SPEN: variants seen among roughly 807,000 people sequenced by gnomAD.
SPEN encodes msx2-interacting protein.
In SPEN, 18 loss-of-function variants were observed where a neutral mutation model predicts 269.9. The observed-to-expected ratio is 0.07, with a 90% CI of 0.05 to 0.10. SPEN has a LOEUF of 0.10. Ranked by LOEUF, SPEN falls within the 10% of genes least tolerant of loss-of-function variation. The pLI is 1.00. For synonymous variants in SPEN, 1,726 were observed against 1,765.7 expected (o/e 0.98, Z 0.56); for missense variants, 3,822 against 4,631.2 (o/e 0.83, Z 5.07).
At chr1:15,875,198 A>G (rs113592110) in intron 2 of SPEN, among the ~76,000 whole-genome samples, 3 of 152,186 alleles carry the variant, frequency 2.0e-5, no homozygotes, top group Non-Finnish European at 2.9e-5. Flanking sequence ...ATATTAACAC[A>G]TAATTGCATG....
chr1:15,879,669 A>C (rs2070667606), intron 3 of SPEN, among the ~76,000 whole-genome samples: 1 of 145,294 alleles, frequency 6.9e-6, no homozygotes, highest in South Asian at 2.4e-4. Flanking sequence ...TCTGACCAGC[A>C]GACAAATTTT....
chr1:15,869,872 A>ATT (rs138543685), intron 1 of SPEN, among the ~76,000 whole-genome samples: 3 of 130,802 alleles, frequency 2.3e-5, no homozygotes, highest in Non-Finnish European at 5.0e-5. Context: ...ATAGTTATTG[A>ATT]TTTTTTTTTT....
intron 3 of SPEN, among the ~76,000 whole-genome samples, chr1:15,879,918 C>G (rs919504177): frequency 2.0e-5 from 3 of 152,110 alleles, no homozygotes; most frequent in African/African-American, 7.2e-5. Context: ...CATCCGCCCG[C>G]CTCGACCTCC....
chr1:15,913,284 C>A (rs1272225723), intron 5 of SPEN, among the ~76,000 whole-genome samples: 5 of 152,116 alleles, frequency 3.3e-5, no homozygotes, highest in Non-Finnish European at 7.4e-5. Flanking sequence ...CATTACAATC[C>A]CCTAAACATG....
In SPEN at chr1:15,891,645, C is replaced by T. The variant is rs561424108; in HGVS notation, c.881+14967C>T. Among the ~76,000 whole-genome samples, 11 of 152,136 alleles carry T rather than the reference C, an allele frequency of 7.2e-5. No homozygotes were observed. In the South Asian group the frequency reaches 1.0e-3, roughly 14 times the overall value. ...GATTACAGGCTTGAGCCACCGCGCC[C>T]GGCCTTGTTTTTTGTTTTTTGTTTT... is the stretch of plus-strand genomic sequence containing the variant. On this transcript the variant is annotated intron_variant, in intron 3 of 14. Transcript: ENST00000375759.
chr1:15,919,060 A>C lies in SPEN; in HGVS notation c.1521+9A>C. The C allele has an allele frequency of 6.2e-7, 1 of 1,603,886 alleles. No individual in the cohort carries two copies. The highest frequency in any genetic ancestry group is 8.5e-7 in the Non-Finnish European group (1 of 1,176,954). On this transcript the variant is annotated intron_variant, in intron 7 of 14. Coordinates refer to ENST00000375759, the MANE Select transcript of SPEN (RefSeq NM_015001.3). Reference sequence around the variant, plus strand: ...GAAATAATCGCCTCAAGGTAAATGAATTTGCATAAATTATTGTGCTGTTAT... The same window carrying C: ...GAAATAATCGCCTCAAGGTAAATGACTTTGCATAAATTATTGTGCTGTTAT...
At chr1:15,865,865 G>A (rs2070501075) in intron 1 of SPEN, among the ~76,000 whole-genome samples, 1 of 151,284 alleles carries the variant, frequency 6.6e-6, no homozygotes, top group Non-Finnish European at 1.5e-5. Flanking sequence ...TTGCTATATA[G>A]GAGTTGTAAT....
Position 15,930,374 on chromosome 1 carries a change from G to A in SPEN, c.4134G>A (p.Val1378=). The A allele has an allele frequency of 6.2e-7, 1 of 1,613,402 alleles. No homozygotes were observed. The highest frequency in any genetic ancestry group is 8.5e-7 in the Non-Finnish European group (1 of 1,179,454). ...RSVRDLEPGE[V]PSDSDEDGEH... ...TACGAGATCTGGAACCTGGTGAGGT[G>A]CCTTCTGATTCTGACGAAGATGGTG... Residue 1378 remains valine (V), a synonymous_variant, in exon 11 of 15, where the codon GTG becomes GTA. Coordinates refer to ENST00000375759, the MANE Select transcript of SPEN (RefSeq NM_015001.3). The surrounding 1 kb of genome is among the most constrained non-coding windows in gnomAD (Gnocchi z 5.3).
At chr1:15,863,969 G>A (rs1348167431) in intron 1 of SPEN, among the ~76,000 whole-genome samples, 1 of 152,180 alleles carries the variant, frequency 6.6e-6, no homozygotes, top group Non-Finnish European at 1.5e-5. Flanking sequence ...TATCAGATGT[G>A]TAATAAACAG....
rs537238753 is a variant in SPEN at position 15,893,342 on chromosome 1, G to A, written c.882-15979G>A. 6.6e-5 allele frequency among the ~76,000 whole-genome samples: 10 copies of A among 152,282 alleles called. No homozygotes were observed. In the South Asian group the frequency reaches 1.9e-3, roughly 28 times the overall value. On this transcript the variant is annotated intron_variant, in intron 3 of 14. Coordinates refer to ENST00000375759, the MANE Select transcript of SPEN (RefSeq NM_015001.3). ...ATGTTATTTTCGATGGTGGTAGGGAGGGGCAGATTAGCTTCCTGAATATGC... is the reference window on the plus strand; with the variant it reads ...ATGTTATTTTCGATGGTGGTAGGGAAGGGCAGATTAGCTTCCTGAATATGC...
intron 6 of SPEN, among the ~76,000 whole-genome samples, chr1:15,916,510 C>CT (rs34713584): frequency 0.013 from 1,502 of 113,554 alleles, 43 homozygotes; most frequent in African/African-American, 0.039. Context: ...TTTCTTACCT[C>CT]TTTTTTTTTT....
intron 1 of SPEN, among the ~76,000 whole-genome samples, chr1:15,855,915 A>T (rs1194900947): frequency 6.6e-6 from 1 of 150,626 alleles, no homozygotes; most frequent in African/African-American, 2.4e-5. Flanking sequence ...TGCATTCAAG[A>T]TTATTTAAAA....
At chr1:15,874,168 G>A (rs1356727807) in intron 2 of SPEN, 3 of 1,366,472 alleles carry the variant, frequency 2.2e-6, no homozygotes, top group South Asian at 2.3e-5. Flanking sequence ...AAGTCTGGGG[G>A]TTTGAGAGTT....
rs773383728 is a variant in SPEN, at chr1:15,935,467, C to G, written c.9227C>G (p.Ser3076Cys). 6.2e-7 allele frequency: 1 copy of G among 1,614,164 alleles called. No individual in the cohort carries two copies. ...QFISSIHPEQ[S>C]VIMPPHSITQ... Reference sequence around the variant, plus strand: ...ATCTCCAGCATCCACCCAGAGCAGTCTGTCATCATGCCACCCCACAGCATC... The same window carrying G: ...ATCTCCAGCATCCACCCAGAGCAGTGTGTCATCATGCCACCCCACAGCATC... Residue 3076 changes from serine (S) to cysteine (C), a missense_variant, in exon 11 of 15, where the codon TCT becomes TGT. Coordinates refer to ENST00000375759, the MANE Select transcript of SPEN (RefSeq NM_015001.3). This position sits in a 1 kb window ranked among gnomAD's most constrained non-coding sequence, Gnocchi z 7.7.
chr1:15,933,933 G>T lies in SPEN; in HGVS notation c.7693G>T (p.Ala2565Ser), dbSNP rs1169426973. The change falls in exon 11 of 15, where the codon GCC (alanine) becomes TCC (serine). Residue 2565 changes from alanine (A) to serine (S), a missense_variant. Around this residue, in one of 16 missense-constraint regions of SPEN, gnomAD observed 727 missense variants for 737.9 expected, o/e 0.99. Transcript: ENST00000375759. The surrounding 1 kb of genome is among the most constrained non-coding windows in gnomAD (Gnocchi z 5.7). ...TTAIAEPVSA[A>S]PCLHEAPPPP... ...AGCCATTGCAGAGCCTGTCAGTGCT[G>T]CCCCTTGCCTACATGAGGCCCCGCC... 3 of 1,613,854 alleles carry T rather than the reference G, an allele frequency of 1.9e-6. No homozygotes were observed. The highest frequency in any genetic ancestry group is 3.3e-5 in the Admixed American group (2 of 60,004).
intron 1 of SPEN, among the ~76,000 whole-genome samples, chr1:15,871,024 A>G (rs1462255175): frequency 6.6e-6 from 1 of 152,132 alleles, no homozygotes; most frequent in Non-Finnish European, 1.5e-5. Context: ...TCTGTTGCCC[A>G]GGGTGGATCT....
Position 15,937,371 on chromosome 1 carries a change from C to A in SPEN, c.10235C>A (p.Pro3412Gln). The A allele has an allele frequency of 6.2e-7, 1 of 1,613,960 alleles. No individual in the cohort carries two copies. The highest frequency in any genetic ancestry group is 1.1e-5 in the South Asian group (1 of 91,074). The change falls in exon 12 of 15, where the codon CCA becomes CAA. Residue 3412 changes from proline to glutamine, a missense_variant. Physicochemically the swap from Pro to Gln is moderately conservative, Grantham distance 76. Transcript: ENST00000375759. This position sits in a 1 kb window ranked among gnomAD's most constrained non-coding sequence, Gnocchi z 5.7. The part of the protein sequence containing the change: ...PRLPAGPANR[P>Q]PEPHTQVQRA... ...CTCCCAGCTGGACCTGCAAACAGGCCACCTGAGCCTCACACCCAGGTTCAG... is the reference window on the plus strand; with the variant it reads ...CTCCCAGCTGGACCTGCAAACAGGCAACCTGAGCCTCACACCCAGGTTCAG...
Position 15,939,159 on chromosome 1 carries a change from T to C in SPEN, c.10864-137T>C. 7 of 1,238,564 alleles carry C rather than the reference T, an allele frequency of 5.7e-6. No homozygotes were observed. Among genetic ancestry groups the C allele is most frequent in the Admixed American group, 2.5e-5 (1 of 39,316 alleles). 76.7% of individuals were successfully genotyped at this position (1,238,564 alleles called of 1,614,324 possible). The stretch of plus-strand genomic sequence containing the variant: ...CACCTGCTAGGTCTTCCAGTAGACA[T>C]AGTCCTGGCACATTTGCTGGTTGGG... On this transcript the variant is annotated intron_variant, in intron 14 of 14. Transcript: ENST00000375759. The surrounding 1 kb of genome is among the most constrained non-coding windows in gnomAD (Gnocchi z 4.1).
rs370114389 is a variant in SPEN, at chr1:15,928,316, T to A, written c.2076T>A (p.Ile692=). The A allele has an allele frequency of 6.2e-7, 1 of 1,614,032 alleles. No homozygotes were observed. The highest frequency in any genetic ancestry group is 8.5e-7 in the Non-Finnish European group (1 of 1,180,002). ...DYRNDPYEQD[I]REYSYRQRER... ...GGAATGATCCTTATGAACAAGATAT[T>A]AGGGAATATAGTTACAGGCAAAGGG... Residue 692 remains isoleucine (I), a synonymous_variant, in exon 11 of 15, where the codon ATT becomes ATA. Transcript: ENST00000375759. The surrounding 1 kb of genome is among the most constrained non-coding windows in gnomAD (Gnocchi z 5.7).
Sources: allele counts gnomAD v4.1 joint callset (sites outside exome capture counted in the v4.1 genomes callset), GRCh38; gene constraint gnomAD v4.1.1; regional missense constraint gnomAD v4.1.1; non-coding constraint Gnocchi (gnomAD v3.1); transcripts MANE v1.5; gene names NCBI Gene and HGNC (gene_info 2026-07-23, HGNC 2026-07-21).